METTL16: variants seen among roughly 807,000 people sequenced by gnomAD.
METTL16 encodes the protein RNA N(6)-adenosine-methyltransferase METTL16.
A neutral mutation model predicts 57.9 loss-of-function variants in METTL16; 19 were observed. The observed-to-expected ratio is 0.33, with a 90% CI of 0.23 to 0.48. The LOEUF is 0.48. METTL16 is among the 20% of genes least tolerant of loss of function. The probability of loss-of-function intolerance (pLI) is 0.99; values close to 1 mark genes in which losing one functional copy is unlikely to be tolerated. For synonymous variants in METTL16, 246 were observed against 255.6 expected (o/e 0.96, Z 0.36); for missense variants, 434 against 691.5 (o/e 0.63, Z 4.18).
chr17:2,451,373 C>G (rs2067068284), intron 6 of METTL16, among the ~76,000 whole-genome samples: 1 of 152,124 alleles, frequency 6.6e-6, no homozygotes. Context: ...AATCCCAGCA[C>G]TTTCGGAGGG....
chr17:2,472,836 G>A (rs1429995147), intron 4 of METTL16, among the ~76,000 whole-genome samples: 2 of 152,170 alleles, frequency 1.3e-5, no homozygotes, highest in African/African-American at 4.8e-5. Flanking sequence ...GTTTCCTGGG[G>A]TTGGGGGCAG....
intron 6 of METTL16, among the ~76,000 whole-genome samples, chr17:2,463,893 G>A (rs1173437700): frequency 3.9e-5 from 6 of 152,098 alleles, no homozygotes; most frequent in Middle Eastern, 3.4e-3. Context: ...TTGGGAGGTC[G>A]AGGCAGGCAG....
At chr17:2,421,011 C>T in intron 8 of METTL16, 107 bp from the exon 9 acceptor site, 1 of 1,226,404 alleles carries the variant, frequency 8.2e-7, no homozygotes, top group Non-Finnish European at 1.2e-6. Context: ...TGCTACCAAT[C>T]ATAGAGCACT....
At chr17:2,440,459 G>C (rs2066940629) in intron 7 of METTL16, among the ~76,000 whole-genome samples, 2 of 152,060 alleles carry the variant, frequency 1.3e-5, no homozygotes, top group South Asian at 4.1e-4. Flanking sequence ...ATGTTGCCCA[G>C]GATGGTCTCG....
At chr17:2,473,927 T>C (rs2067252282) in intron 3 of METTL16, among the ~76,000 whole-genome samples, 1 of 152,130 alleles carries the variant, frequency 6.6e-6, no homozygotes, top group African/African-American at 2.4e-5. Context: ...TCTGTAATTT[T>C]TGTATTTTTT....
chr17:2,463,221 T>A (rs1433403981), intron 6 of METTL16, among the ~76,000 whole-genome samples: 1 of 152,228 alleles, frequency 6.6e-6, no homozygotes, highest in African/African-American at 2.4e-5. Context: ...AAATTTATTC[T>A]GGTTCATGGG....
intron 6 of METTL16, among the ~76,000 whole-genome samples, chr17:2,463,411 C>A (rs1416464066): frequency 6.6e-6 from 1 of 152,150 alleles, no homozygotes; most frequent in Admixed American, 6.5e-5. Flanking sequence ...TCCTCAGAAA[C>A]ACAGTCTTCG....
chr17:2,457,710 CA>C (rs749572968), intron 6 of METTL16, among the ~76,000 whole-genome samples: 2,713 of 105,044 alleles, frequency 0.026, 29 homozygotes, highest in Non-Finnish European at 0.037. Flanking sequence ...GACTCTGTCT[CA>C]AAAAAAAAAA....
intron 4 of METTL16, 64 bp from the exon 5 acceptor site, chr17:2,467,940 G>T: frequency 1.8e-6 from 2 of 1,089,200 alleles, no homozygotes; most frequent in Non-Finnish European, 2.8e-6. Flanking sequence ...GTATAACCGC[G>T]CACTGCGTAA....
intron 8 of METTL16, among the ~76,000 whole-genome samples, chr17:2,430,619 T>C (rs1057365745): frequency 1.3e-5 from 2 of 151,846 alleles, no homozygotes; most frequent in East Asian, 3.9e-4. Context: ...GGGGTTTCAC[T>C]GTGTTAGCCA....
chr17:2,423,627 TG>T (rs1459396709), intron 8 of METTL16, among the ~76,000 whole-genome samples: 1 of 152,120 alleles, frequency 6.6e-6, no homozygotes, highest in Admixed American at 6.6e-5. Flanking sequence ...GAGAGCTCAC[TG>T]CAACCTGGCC....
chr17:2,489,921 G>A (rs561946368), intron 2 of METTL16, among the ~76,000 whole-genome samples: 1 of 152,094 alleles, frequency 6.6e-6, no homozygotes. Context: ...GGCTAAATAA[G>A]CTATAATATA....
chr17:2,504,011 T>C (rs990615488), intron 1 of METTL16, among the ~76,000 whole-genome samples: 2 of 152,188 alleles, frequency 1.3e-5, no homozygotes, highest in Admixed American at 6.6e-5. Context: ...ATACGGTATA[T>C]ACATACAATA....
chr17:2,464,180 G>A (rs1405176688), intron 6 of METTL16, 28 bp downstream of exon 6: 2 of 1,597,344 alleles, frequency 1.3e-6, no homozygotes, highest in Admixed American at 3.5e-5. Context: ...TTGTAAAGAT[G>A]GACTCTATGT....
At chr17:2,477,909 A>G in intron 2 of METTL16, 24 bp from the exon 3 acceptor site, 10 of 1,589,252 alleles carry the variant, frequency 6.3e-6, no homozygotes, top group Non-Finnish European at 8.6e-6. Flanking sequence ...AAAAGGAAGT[A>G]AAACTGATTA....
chr17:2,438,241 C>A (rs957753375), intron 7 of METTL16, 43 bp from the exon 8 acceptor site: 8 of 1,409,046 alleles, frequency 5.7e-6, no homozygotes, highest in African/African-American at 1.4e-5. Context: ...TGCAATCATT[C>A]TACCAATATG....
intron 2 of METTL16, among the ~76,000 whole-genome samples, chr17:2,484,798 C>G (rs998981377): frequency 6.6e-6 from 1 of 152,082 alleles, no homozygotes; most frequent in Non-Finnish European, 1.5e-5. Flanking sequence ...CTGGTGACCA[C>G]CACTCTAAGT....
chr17:2,462,839 G>A lies in METTL16; in HGVS notation c.728+1369C>T, dbSNP rs562012109. On this transcript the variant is annotated intron_variant, in intron 6 of 9. Coordinates refer to ENST00000263092, the MANE Select transcript of METTL16 (RefSeq NM_024086.4). Reference sequence around the variant, plus strand: ...AGTGTGAGAATGGACTAATACAGATGGTAAATTTTATGTTACGTGTATTTA... The same window carrying A: ...AGTGTGAGAATGGACTAATACAGATAGTAAATTTTATGTTACGTGTATTTA... Among the ~76,000 whole-genome samples the A allele has an allele frequency of 2.6e-5, 4 of 152,062 alleles. No individual in the cohort carries two copies. The East Asian group carries it at 5.8e-4, about 22-fold the overall frequency.
rs548702422 is a variant in METTL16, at chr17:2,453,673, T to G, written c.728+10535A>C. ...GTTCTTTGAAACTAGGTAGTTATCC[T>G]GTTCCTTTTCAAATTTCCCTTTGCC... On this transcript the variant is annotated intron_variant, in intron 6 of 9. Coordinates refer to ENST00000263092, the MANE Select transcript of METTL16 (RefSeq NM_024086.4). 8.5e-5 allele frequency among the ~76,000 whole-genome samples: 13 copies of G among 152,358 alleles called. No homozygotes were observed. The East Asian group carries it at 2.3e-3, about 27-fold the overall frequency.
Sources: gnomAD v4.1 joint callset for allele counts (sites outside exome capture counted in the v4.1 genomes callset) on GRCh38, gnomAD v4.1.1 for gene constraint, MANE v1.5 for transcripts, NCBI Gene and HGNC (gene_info 2026-07-23, HGNC 2026-07-21) for gene names.